Variants in VPS13B observed in about 807,000 individuals in gnomAD.
The protein encoded by VPS13B is vacuolar protein sorting 13 homolog B, also known as intermembrane lipid transfer protein VPS13B.
Under a neutral mutation model 426.4 loss-of-function variants are expected in VPS13B, and 285 were observed. The ratio of observed to expected loss-of-function variants is 0.67; its 90% CI spans 0.61 to 0.74. The LOEUF (loss-of-function observed/expected upper bound fraction) is 0.74, where lower values mean the gene tolerates loss of function less well. Ranked by LOEUF, VPS13B falls within the 30% of genes least tolerant of loss-of-function variation. The probability of loss-of-function intolerance (pLI) is 0.00; values close to 1 mark genes in which losing one functional copy is unlikely to be tolerated. For synonymous variants in VPS13B, 1,676 were observed against 1,676.4 expected (o/e 1.00, Z 0.01); for missense variants, 4,537 against 4,782.6 (o/e 0.95, Z 1.51).
At position 99,817,795 on chromosome 8, in the gene VPS13B, G is replaced by A. The variant is rs377170629; in HGVS notation, c.8353G>A (p.Val2785Ile). The A allele has an allele frequency of 5.0e-6, 8 of 1,614,032 alleles. No homozygotes were observed. Among genetic ancestry groups the A allele is most frequent in the Non-Finnish European group, 6.8e-6 (8 of 1,179,968 alleles). Residue 2785 changes from valine to isoleucine, a missense_variant, in exon 45 of 62, where the codon GTC becomes ATC. This residue lies in a region of VPS13B where 4,311 missense variants were observed against 4,474.3 expected (regional missense o/e 0.96). Transcript: ENST00000357162. ...ATCCAAAGCCCCTGAGTACAGCATT[G>A]TCATTCAGGTTTGAAAAGACGTTCA... ...LESKAPEYSI[V>I]IQVPSSNSSI...
At chr8:99,710,835 C>CAAAAAAAAA (rs532543246) in intron 36 of VPS13B, among the ~76,000 whole-genome samples, 2 of 86,378 alleles carry the variant, frequency 2.3e-5, no homozygotes. Flanking sequence ...ACTAAAAATG[C>CAAAAAAAAA]AAAAAAAAAA....
chr8:99,405,643 G>C (rs184524833), intron 21 of VPS13B, among the ~76,000 whole-genome samples: 1 of 151,846 alleles, frequency 6.6e-6, no homozygotes, highest in Admixed American at 6.6e-5. Context: ...TTGCACTTAA[G>C]ATATAACCCA....
rs1842289006 is a variant in VPS13B, at chr8:99,028,579, C to T, written c.148-9844C>T. Among the ~76,000 whole-genome samples, 2 of 124,846 alleles carry T rather than the reference C, an allele frequency of 1.6e-5. 1 individual carries two copies. Among genetic ancestry groups the T allele is most frequent in the Non-Finnish European group, 3.5e-5 (2 of 57,360 alleles). The allele number at this position is 124,846 out of a possible 152,430, so 81.9% of individuals were successfully genotyped here. On this transcript the variant is annotated intron_variant, in intron 2 of 61. Transcript: ENST00000357162. Reference sequence around the variant, plus strand: ...GGCTGGCCGGGCAGGGGGCTGACCCCCCTCCCCCCTCCCGGACGGGGCAGC... The same window carrying T: ...GGCTGGCCGGGCAGGGGGCTGACCCTCCTCCCCCCTCCCGGACGGGGCAGC...
intron 35 of VPS13B, among the ~76,000 whole-genome samples, chr8:99,664,565 G>GTGTT (rs1370452484): frequency 1.3e-5 from 2 of 152,030 alleles, no homozygotes; most frequent in Non-Finnish European, 2.9e-5. Context: ...AGAACATGCG[G>GTGTT]TGTTTGGGTT....
chr8:99,297,599 T>G (rs1452072739), intron 19 of VPS13B, among the ~76,000 whole-genome samples: 1 of 152,216 alleles, frequency 6.6e-6, no homozygotes. Flanking sequence ...TTCTGATAAA[T>G]GCATAATGCA....
intron 3 of VPS13B, among the ~76,000 whole-genome samples, chr8:99,043,553 A>G (rs937362554): frequency 1.3e-5 from 2 of 152,110 alleles, no homozygotes; most frequent in African/African-American, 4.8e-5. Context: ...ACACACTCAC[A>G]AATATCTCTT....
chr8:99,366,813 A>T lies in VPS13B; in HGVS notation c.2825-17395A>T, dbSNP rs539293382. Reference sequence around the variant, plus strand: ...GCATGCAAGTACTATCTTATAACGCATTATTTTAAACTGATGACAGCTTAT... The same window carrying T: ...GCATGCAAGTACTATCTTATAACGCTTTATTTTAAACTGATGACAGCTTAT... On this transcript the variant is annotated intron_variant, in intron 19 of 61. Coordinates refer to ENST00000357162, the MANE Select transcript of VPS13B (RefSeq NM_152564.5). Among the ~76,000 whole-genome samples the T allele has an allele frequency of 2.6e-5, 4 of 152,216 alleles. No individual in the cohort carries two copies. The East Asian group carries it at 7.7e-4, about 29-fold the overall frequency.
intron 37 of VPS13B, among the ~76,000 whole-genome samples, chr8:99,720,049 C>T (rs1422787727): frequency 1.3e-5 from 2 of 152,068 alleles, no homozygotes; most frequent in Admixed American, 1.3e-4. Flanking sequence ...GTTCTTTTCC[C>T]TCTTAGCTAA....
At chr8:99,719,196 T>C (rs1439980770) in intron 37 of VPS13B, among the ~76,000 whole-genome samples, 1 of 152,208 alleles carries the variant, frequency 6.6e-6, no homozygotes, top group East Asian at 1.9e-4. Context: ...GACAATGATC[T>C]GTTTACATGA....
chr8:99,401,549 A>G (rs143406417), intron 21 of VPS13B, among the ~76,000 whole-genome samples: 221 of 152,284 alleles, frequency 1.5e-3, no homozygotes, highest in Non-Finnish European at 2.7e-3. Flanking sequence ...AAGGACTCCA[A>G]TGATAGTCTA....
rs200839508 is a variant in VPS13B, at chr8:99,428,610, T to C, written c.3083-2927T>C. ...TACCATCTCACACCAGTTAGAATGG[T>C]GATCATTAAAAAGTCAGGAAACAAC... On this transcript the variant is annotated intron_variant, in intron 21 of 61. Transcript: ENST00000357162. 5.5e-3 allele frequency among the ~76,000 whole-genome samples: 838 copies of C among 152,166 alleles called. 8 individuals carry two copies. The highest frequency in any genetic ancestry group is 0.013 in the African/African-American group (544 of 41,528).
intron 35 of VPS13B, among the ~76,000 whole-genome samples, chr8:99,680,541 A>G (rs1831117414): frequency 6.6e-6 from 1 of 152,200 alleles, no homozygotes; most frequent in African/African-American, 2.4e-5. Flanking sequence ...AAAGTTTTGA[A>G]TGGTAATTAG....
chr8:99,191,413 T>C (rs1329934825), intron 16 of VPS13B, among the ~76,000 whole-genome samples: 1 of 141,704 alleles, frequency 7.1e-6, no homozygotes, highest in African/African-American at 2.7e-5. Context: ...AGACGGAGTC[T>C]GTCTCTGTCG....
At chr8:99,662,989 A>C (rs1353190583) in intron 35 of VPS13B, among the ~76,000 whole-genome samples, 4 of 152,164 alleles carry the variant, frequency 2.6e-5, no homozygotes, top group African/African-American at 9.6e-5. Context: ...ACTGGGAGGC[A>C]AAGGTTGCAG....
At chr8:99,410,638 C>T (rs981224431) in intron 21 of VPS13B, among the ~76,000 whole-genome samples, 3 of 151,694 alleles carry the variant, frequency 2.0e-5, no homozygotes, top group Non-Finnish European at 2.9e-5. Context: ...TAGGTATACA[C>T]GTGCCATGGT....
intron 43 of VPS13B, among the ~76,000 whole-genome samples, chr8:99,800,574 T>G (rs1813071827): frequency 1.3e-5 from 2 of 152,308 alleles, no homozygotes; most frequent in South Asian, 4.1e-4. Context: ...CAAAAATGTT[T>G]ATGCAGTATA....
chr8:99,469,518 C>T (rs937781541), intron 24 of VPS13B, among the ~76,000 whole-genome samples: 4 of 151,988 alleles, frequency 2.6e-5, no homozygotes, highest in Admixed American at 6.6e-5. Flanking sequence ...TTGAATGACA[C>T]TAAATATTTC....
chr8:99,464,524 A>G (rs759683493), intron 23 of VPS13B, among the ~76,000 whole-genome samples: 19 of 152,196 alleles, frequency 1.2e-4, no homozygotes, highest in Non-Finnish European at 2.4e-4. Flanking sequence ...TAACCGCAAC[A>G]TTGACAAAAA....
In VPS13B at chr8:99,121,159, CTT is replaced by C; in HGVS notation, c.938-17_938-16del. ...AATCCTTTTGACTTATTTAAAATGACTTAATTTTAATTGATAGGTTCTGAAGA... is the reference window on the plus strand; with the variant it reads ...AATCCTTTTGACTTATTTAAAATGACAATTTTAATTGATAGGTTCTGAAGA... On this transcript the variant is annotated splice_polypyrimidine_tract_variant and intron_variant, in intron 7 of 61. Coordinates refer to ENST00000357162, the MANE Select transcript of VPS13B (RefSeq NM_152564.5). 2 of 1,605,886 alleles carry C rather than the reference CTT, an allele frequency of 1.2e-6. No homozygotes were observed. Among genetic ancestry groups the C allele is most frequent in the Non-Finnish European group, 1.7e-6 (2 of 1,175,792 alleles).
Sources: gnomAD v4.1 joint callset for allele counts (sites outside exome capture counted in the v4.1 genomes callset) on GRCh38, gnomAD v4.1.1 for gene constraint, gnomAD v4.1.1 regional missense constraint, MANE v1.5 for transcripts, NCBI Gene and HGNC (gene_info 2026-07-23, HGNC 2026-07-21) for gene names.